LRRC37A2: variants seen among roughly 807,000 people sequenced by gnomAD.
LRRC37A2 encodes the protein leucine-rich repeat-containing protein 37A2.
In LRRC37A2, 9 loss-of-function variants were observed where a neutral mutation model predicts 68.8. The observed-to-expected ratio is 0.13, with a 90% CI of 0.08 to 0.23. The LOEUF (loss-of-function observed/expected upper bound fraction) is 0.23. Ranked by LOEUF, LRRC37A2 falls within the 10% of genes least tolerant of loss-of-function variation. LRRC37A2 has a pLI of 1.00. For missense variants in LRRC37A2, 168 were observed against 950.4 expected, an observed-to-expected ratio of 0.18 and a Z score of 10.82; for synonymous variants, 63 against 367.6, an observed-to-expected ratio of 0.17 and a Z score of 9.48.
the LRRC37A2 span, among the ~76,000 whole-genome samples, chr17:46,771,760 CCCGCGCCGCG>C: frequency 2.6e-4 from 36 of 137,372 alleles, no homozygotes; most frequent in South Asian, 6.7e-4. Context: ...GCCCCCCGCC[CCCGCGCCGCG>C]CCGCGCCGCG....
the LRRC37A2 span, among the ~76,000 whole-genome samples, chr17:46,737,331 A>G: frequency 6.6e-6 from 1 of 152,204 alleles, no homozygotes; most frequent in Admixed American, 6.5e-5. Context: ...AGATAGGAAT[A>G]TAGGATACTT....
the LRRC37A2 span, among the ~76,000 whole-genome samples, chr17:46,815,630 A>T: frequency 6.6e-6 from 1 of 152,136 alleles, no homozygotes; most frequent in Non-Finnish European, 1.5e-5. Flanking sequence ...CCTAACCCTG[A>T]GAAGGTGACT....
chr17:46,952,346 G>T, the LRRC37A2 span, among the ~76,000 whole-genome samples: 1 of 152,212 alleles, frequency 6.6e-6, no homozygotes, highest in South Asian at 2.1e-4. Context: ...ACATGACTGC[G>T]CGGTGGGCCG....
At chr17:46,803,926 T>C in the LRRC37A2 span, among the ~76,000 whole-genome samples, 1 of 152,304 alleles carries the variant, frequency 6.6e-6, no homozygotes, top group Admixed American at 6.5e-5. Context: ...CGGGCATTTC[T>C]CCCTGAGGAC....
At chr17:46,959,833 T>C in the LRRC37A2 span, among the ~76,000 whole-genome samples, 2 of 152,236 alleles carry the variant, frequency 1.3e-5, no homozygotes, top group Non-Finnish European at 2.9e-5. Context: ...GAAGCCATTC[T>C]TCCCACCACT....
the LRRC37A2 span, among the ~76,000 whole-genome samples, chr17:47,031,343 C>G: frequency 2.4e-4 from 35 of 147,784 alleles, 5 homozygotes; most frequent in African/African-American, 8.7e-4. Context: ...GGCTAACTAT[C>G]AAAGTCCCTC....
the LRRC37A2 span, among the ~76,000 whole-genome samples, chr17:46,575,843 G>T: frequency 5.8e-4 from 1 of 1,724 alleles, no homozygotes; most frequent in East Asian, 2.3e-3. Flanking sequence ...AGCTGGGCAT[G>T]CTGGTGCACG....
the LRRC37A2 span, chr17:46,935,358 T>G: frequency 6.2e-6 from 9 of 1,453,832 alleles, no homozygotes; most frequent in African/African-American, 1.3e-4. Context: ...ACCCAGTTCC[T>G]TTGCCAGTGC....
At chr17:46,747,782 G>A in the LRRC37A2 span, among the ~76,000 whole-genome samples, 2 of 152,150 alleles carry the variant, frequency 1.3e-5, no homozygotes, top group African/African-American at 4.8e-5. Context: ...TAGTCCTAGA[G>A]AATCAGTATC....
chr17:46,771,973 C>T, the LRRC37A2 span, among the ~76,000 whole-genome samples: 1 of 150,054 alleles, frequency 6.7e-6, no homozygotes, highest in Non-Finnish European at 1.5e-5. Context: ...GCCGACCCCG[C>T]CGCCCCCAGA....
At chr17:46,755,400 A>G in the LRRC37A2 span, 2 of 1,525,832 alleles carry the variant, frequency 1.3e-6, no homozygotes, top group South Asian at 1.1e-5. Context: ...ATGACCATCA[A>G]CCAAACTTAC....
the LRRC37A2 span, among the ~76,000 whole-genome samples, chr17:46,839,440 C>T: frequency 1.8e-4 from 27 of 152,316 alleles, no homozygotes; most frequent in African/African-American, 6.5e-4. Context: ...TGGTAGCTGC[C>T]ACTGGGCCCC....
At chr17:46,800,564 G>A in the LRRC37A2 span, among the ~76,000 whole-genome samples, 1 of 152,232 alleles carries the variant, frequency 6.6e-6, no homozygotes, top group Non-Finnish European at 1.5e-5. Flanking sequence ...AGGTATCTGA[G>A]AATACAGGAA....
At chr17:46,886,421 A>G in the LRRC37A2 span, 2 of 152,224 alleles carry the variant, frequency 1.3e-5, no homozygotes, top group African/African-American at 4.8e-5. Flanking sequence ...AATGGACCCA[A>G]CAGACCAAAC....
chr17:46,823,938 A>T, the LRRC37A2 span, among the ~76,000 whole-genome samples: 3 of 152,174 alleles, frequency 2.0e-5, no homozygotes, highest in African/African-American at 7.2e-5. Flanking sequence ...CAGACTGCGG[A>T]TGGTGAATAC....
chr17:47,034,315 C>A, the LRRC37A2 span, among the ~76,000 whole-genome samples: 1 of 152,326 alleles, frequency 6.6e-6, no homozygotes, highest in African/African-American at 2.4e-5. Flanking sequence ...ATGGCCCAGG[C>A]ACAACCTTAG....
chr17:46,779,101 A>ACACACC, the LRRC37A2 span, among the ~76,000 whole-genome samples: 3 of 139,976 alleles, frequency 2.1e-5, no homozygotes, highest in Non-Finnish European at 4.5e-5. Flanking sequence ...ACACACACAC[A>ACACACC]CACCCCAGCC....
At chr17:46,867,960 C>T in the LRRC37A2 span, among the ~76,000 whole-genome samples, 1 of 152,016 alleles carries the variant, frequency 6.6e-6, no homozygotes, top group Non-Finnish European at 1.5e-5. Flanking sequence ...GTGCAGAGAA[C>T]AGAAGGGCAC....
the LRRC37A2 span, among the ~76,000 whole-genome samples, chr17:46,743,865 C>T: frequency 2.0e-5 from 3 of 152,104 alleles, no homozygotes; most frequent in Non-Finnish European, 2.9e-5. Flanking sequence ...TTTAGCATCC[C>T]GAGTCTGCCT....
Sources: gnomAD v4.1 joint callset for allele counts (sites outside exome capture counted in the v4.1 genomes callset) on GRCh38, gnomAD v4.1.1 for gene constraint, MANE v1.5 for transcripts, NCBI Gene and HGNC (gene_info 2026-07-23, HGNC 2026-07-21) for gene names.